The following PCDH9 variants were observed in gnomAD, a reference collection of about 807,000 sequenced individuals.
The protein encoded by PCDH9 is protocadherin-9.
In PCDH9, 24 loss-of-function variants were observed where a neutral mutation model predicts 70.6. The ratio of observed to expected loss-of-function variants is 0.34; its 90% CI spans 0.25 to 0.48. PCDH9 has a LOEUF of 0.48. Ranked by LOEUF, PCDH9 falls within the 20% of genes least tolerant of loss-of-function variation. PCDH9 has a pLI of 0.99. For missense variants in PCDH9, 1,281 were observed against 1,503.6 expected (o/e 0.85, Z 2.45); for synonymous variants, 562 against 558.5 (o/e 1.01, Z -0.09).
rs11390832 is a variant in PCDH9, at chr13:66,665,108, C to CTCT, written c.3139-33698_3139-33697insAGA. Among the ~76,000 whole-genome samples, 827 of 147,086 alleles carry CTCT rather than the reference C, an allele frequency of 5.6e-3. 3 individuals are homozygous for CTCT. The highest frequency in any genetic ancestry group is 0.015 in the African/African-American group (599 of 39,802). ...TAAGGACTTTTTCTTTCTTTTCTCT[C>CTCT]CTTTTTTTTTTTTTTGAGACGGAGT... On this transcript the variant is annotated intron_variant, in intron 3 of 4. Coordinates refer to ENST00000377865, the MANE Select transcript of PCDH9 (RefSeq NM_203487.3).
At chr13:66,933,791 G>T (rs1012989474) in intron 2 of PCDH9, among the ~76,000 whole-genome samples, 1 of 149,518 alleles carries the variant, frequency 6.7e-6, no homozygotes, top group Non-Finnish European at 1.5e-5. Context: ...TAGAAAATTT[G>T]TATTAATATG....
intron 4 of PCDH9, among the ~76,000 whole-genome samples, chr13:66,385,996 TA>T (rs60534095): frequency 0.11 from 13,623 of 128,892 alleles, 984 homozygotes; most frequent in East Asian, 0.29. Flanking sequence ...ACGTATCTGA[TA>T]AAAAAAAAAA....
intron 4 of PCDH9, among the ~76,000 whole-genome samples, chr13:66,320,055 G>C (rs1378421117): frequency 1.3e-5 from 2 of 152,086 alleles, no homozygotes; most frequent in East Asian, 1.9e-4. Flanking sequence ...ATCCTTGTGA[G>C]TTGATGAAAA....
intron 4 of PCDH9, among the ~76,000 whole-genome samples, chr13:66,330,145 T>A (rs1019513783): frequency 2.0e-5 from 3 of 152,246 alleles, no homozygotes; most frequent in Non-Finnish European, 4.4e-5. Context: ...GCACATGGCA[T>A]GAATCATATA....
intron 4 of PCDH9, among the ~76,000 whole-genome samples, chr13:66,370,795 T>G (rs971059176): frequency 6.6e-6 from 1 of 152,086 alleles, no homozygotes; most frequent in African/African-American, 2.4e-5. Context: ...ATTACAAGTA[T>G]TAACCACTGC....
intron 2 of PCDH9, among the ~76,000 whole-genome samples, chr13:67,038,741 C>T (rs1384136891): frequency 6.6e-6 from 1 of 152,132 alleles, no homozygotes; most frequent in Non-Finnish European, 1.5e-5. Context: ...GCACAGAGTT[C>T]CTAAAAGCCT....
intron 2 of PCDH9, among the ~76,000 whole-genome samples, chr13:67,146,269 C>T (rs2087520933): frequency 6.6e-6 from 1 of 152,052 alleles, no homozygotes; most frequent in Admixed American, 6.6e-5. Context: ...AAGCTGCATG[C>T]TCAGGATAAC....
chr13:66,967,389 AAGTT>A (rs1415774792), intron 2 of PCDH9, among the ~76,000 whole-genome samples: 1 of 152,052 alleles, frequency 6.6e-6, no homozygotes, highest in Non-Finnish European at 1.5e-5. Flanking sequence ...TAAAATTTGA[AAGTT>A]AGTTCCTCAA....
intron 2 of PCDH9, among the ~76,000 whole-genome samples, chr13:67,056,569 C>T (rs982517310): frequency 1.8e-4 from 27 of 152,118 alleles, no homozygotes; most frequent in African/African-American, 6.3e-4. Context: ...AAAATGTAAA[C>T]TGAAGGGCCC....
intron 3 of PCDH9, among the ~76,000 whole-genome samples, chr13:66,710,158 T>C (rs964789096): frequency 9.9e-5 from 15 of 152,266 alleles, no homozygotes; most frequent in Admixed American, 9.8e-4. Flanking sequence ...TCTGACTCAT[T>C]TAACATACAA....
intron 4 of PCDH9, among the ~76,000 whole-genome samples, chr13:66,340,443 C>T (rs953194545): frequency 1.3e-5 from 2 of 152,160 alleles, no homozygotes; most frequent in Non-Finnish European, 2.9e-5. Context: ...ATATGTAATG[C>T]TGGAAGGACT....
intron 2 of PCDH9, among the ~76,000 whole-genome samples, chr13:67,159,288 C>T (rs1040386930): frequency 3.9e-5 from 6 of 152,134 alleles, no homozygotes; most frequent in African/African-American, 1.4e-4. Context: ...ATAGGCAACA[C>T]AGGAGAGTGG....
intron 3 of PCDH9, among the ~76,000 whole-genome samples, chr13:66,691,674 A>G (rs549287902): frequency 6.6e-6 from 1 of 152,268 alleles, no homozygotes; most frequent in African/African-American, 2.4e-5. Flanking sequence ...TATAATCACC[A>G]TTGAGAAAAT....
At position 67,228,264 on chromosome 13, in the gene PCDH9, G is replaced by A. The variant is rs974257853; in HGVS notation, c.177C>T (p.Ser59=). 3.1e-6 allele frequency: 5 copies of A among 1,613,756 alleles called. No individual in the cohort carries two copies. The highest frequency in any genetic ancestry group is 1.7e-5 in the Admixed American group (1 of 59,964). The change falls in exon 2 of 5, where the codon AGC becomes AGT. Residue 59 remains serine (S), a synonymous_variant. Coordinates refer to ENST00000377865, the MANE Select transcript of PCDH9 (RefSeq NM_203487.3). ...ISHINAATGT[S]ASLVYRLVSK... is the part of the protein sequence containing the mutation. The stretch of plus-strand genomic sequence containing the variant: ...AAACCAGTCTGTAGACAAGGCTGGC[G>A]CTGGTCCCTGTGGCAGCATTGATGT...
intron 2 of PCDH9, among the ~76,000 whole-genome samples, chr13:67,181,022 A>G (rs904436577): frequency 1.3e-5 from 2 of 152,220 alleles, no homozygotes; most frequent in Admixed American, 6.5e-5. Flanking sequence ...GATTTTAATT[A>G]CTAAAAATCA....
intron 2 of PCDH9, among the ~76,000 whole-genome samples, chr13:67,090,973 T>G (rs1162560144): frequency 6.6e-6 from 1 of 152,102 alleles, no homozygotes; most frequent in Non-Finnish European, 1.5e-5. Flanking sequence ...TTGTTTAACA[T>G]TAGAGAGACT....
intron 2 of PCDH9, among the ~76,000 whole-genome samples, chr13:66,947,655 G>A (rs557966388): frequency 6.5e-4 from 99 of 152,216 alleles, no homozygotes; most frequent in African/African-American, 2.1e-3. Context: ...CATTGAATCA[G>A]CATGAGCACC....
intron 2 of PCDH9, among the ~76,000 whole-genome samples, chr13:67,113,723 A>G (rs1436913060): frequency 6.6e-6 from 1 of 151,874 alleles, no homozygotes; most frequent in African/African-American, 2.4e-5. Context: ...AATTTTTTGT[A>G]TTTTTAGTAG....
chr13:67,141,982 T>C (rs1285781261), intron 2 of PCDH9, among the ~76,000 whole-genome samples: 3 of 152,166 alleles, frequency 2.0e-5, no homozygotes, highest in Non-Finnish European at 1.5e-5. Flanking sequence ...TTTGAAATTT[T>C]ATATAAAATT....
Sources: allele counts gnomAD v4.1 joint callset (sites outside exome capture counted in the v4.1 genomes callset), GRCh38; gene constraint gnomAD v4.1.1; transcripts MANE v1.5; gene names NCBI Gene and HGNC (gene_info 2026-07-23, HGNC 2026-07-21).